The following RABEP1 variants were observed in gnomAD, a reference collection of about 807,000 sequenced individuals.
RABEP1 encodes rab GTPase-binding effector protein 1.
Under a neutral mutation model 123.4 loss-of-function variants are expected in RABEP1, and 51 were observed. The observed-to-expected ratio is 0.41, with a 90% CI of 0.33 to 0.52. The LOEUF is 0.52. Ranked by LOEUF, RABEP1 falls within the 20% of genes least tolerant of loss-of-function variation. RABEP1 has a pLI of 0.16. For missense variants in RABEP1, 888 were observed against 996.3 expected, an observed-to-expected ratio of 0.89 and a Z score of 1.46; for synonymous variants, 347 against 355.2, an observed-to-expected ratio of 0.98 and a Z score of 0.26.
chr17:5,291,212 C>T (rs535123433), intron 1 of RABEP1, among the ~76,000 whole-genome samples: 21 of 152,124 alleles, frequency 1.4e-4, no homozygotes, highest in African/African-American at 4.6e-4. Context: ...ACTTTGAGAC[C>T]AGCCTGGCCA....
chr17:5,336,881 G>C (rs1313535135), intron 4 of RABEP1, among the ~76,000 whole-genome samples: 2 of 151,972 alleles, frequency 1.3e-5, no homozygotes, highest in Non-Finnish European at 2.9e-5. Flanking sequence ...TTTTTTGAGG[G>C]GTATGTTATT....
At chr17:5,337,894 C>T (rs1434164892) in intron 4 of RABEP1, 125 bp from the exon 5 acceptor site, 1 of 1,031,402 alleles carries the variant, frequency 9.7e-7, no homozygotes, top group South Asian at 2.8e-5. Context: ...TTCAGTTTTG[C>T]GAATATTAAT....
intron 2 of RABEP1, among the ~76,000 whole-genome samples, chr17:5,325,434 G>A (rs72634023): frequency 0.11 from 16,335 of 152,140 alleles, 1,778 homozygotes; most frequent in East Asian, 0.48. Flanking sequence ...AGCACTGAAA[G>A]ACAAGTATCA....
At chr17:5,356,805 C>T (rs1037192349) in intron 8 of RABEP1, among the ~76,000 whole-genome samples, 2 of 151,754 alleles carry the variant, frequency 1.3e-5, no homozygotes, top group East Asian at 1.9e-4. Flanking sequence ...CATCCGCCAT[C>T]GTGCCCAGCT....
chr17:5,328,781 T>A (rs1038546988), intron 2 of RABEP1, among the ~76,000 whole-genome samples: 1 of 150,550 alleles, frequency 6.6e-6, no homozygotes, highest in Non-Finnish European at 1.5e-5. Context: ...TGAAACCCTG[T>A]CTCTACTAAA....
chr17:5,284,870 C>T (rs1003895523), intron 1 of RABEP1, among the ~76,000 whole-genome samples: 2 of 151,094 alleles, frequency 1.3e-5, no homozygotes, highest in Non-Finnish European at 2.9e-5. Flanking sequence ...AAAAAATCGC[C>T]AGAATTCTTT....
At chr17:5,318,325 A>G (rs1436733343) in intron 2 of RABEP1, among the ~76,000 whole-genome samples, 2 of 152,182 alleles carry the variant, frequency 1.3e-5, no homozygotes, top group Non-Finnish European at 2.9e-5. Context: ...CAATGGGAGT[A>G]TGCTATCAAA....
chr17:5,341,152 A>G (rs2144623618), intron 5 of RABEP1, among the ~76,000 whole-genome samples: 1 of 152,144 alleles, frequency 6.6e-6, no homozygotes, highest in East Asian at 1.9e-4. Flanking sequence ...GTAGAGGCTC[A>G]TGCCTGTAAT....
Position 5,380,375 on chromosome 17 carries a change from A to G in RABEP1, c.2283A>G (p.Thr761=), listed in dbSNP as rs1242139456. ...IKVEKGQLES[T]LREKSQQLES... Reference sequence around the variant, plus strand: ...TTCCTTTTTCACAGTTGGAGTCCACATTAAGAGAGAAGTCTCAACAGCTTG... The same window carrying G: ...TTCCTTTTTCACAGTTGGAGTCCACGTTAAGAGAGAAGTCTCAACAGCTTG... Residue 761 remains threonine, a synonymous_variant, in exon 16 of 18, where the codon ACA becomes ACG. Transcript: ENST00000537505. 6.4e-7 allele frequency: 1 copy of G among 1,566,506 alleles called. No homozygotes were observed.
intron 10 of RABEP1, among the ~76,000 whole-genome samples, chr17:5,364,084 C>T (rs1296302167): frequency 6.6e-6 from 1 of 152,210 alleles, no homozygotes. Flanking sequence ...TTCCTTCATA[C>T]ACTGTGTGCT....
At chr17:5,283,840 C>T (rs1229730907) in intron 1 of RABEP1, 1 of 152,178 alleles carries the variant, frequency 6.6e-6, no homozygotes, top group Non-Finnish European at 1.5e-5. Flanking sequence ...GTCCAGTAAG[C>T]ATTTAGACTT....
At chr17:5,336,381 T>C in intron 4 of RABEP1, 1 of 435,064 alleles carries the variant, frequency 2.3e-6, no homozygotes, top group Non-Finnish European at 4.5e-6. Flanking sequence ...CATGGTACAT[T>C]TGTCACAGCT....
chr17:5,356,844 T>C (rs1370961085), intron 8 of RABEP1, among the ~76,000 whole-genome samples: 2 of 151,482 alleles, frequency 1.3e-5, no homozygotes, highest in Middle Eastern at 3.4e-3. Context: ...TGTTTCAACA[T>C]GTTGCCCCGG....
intron 13 of RABEP1, among the ~76,000 whole-genome samples, chr17:5,374,217 C>A (rs1910789234): frequency 6.6e-6 from 1 of 151,626 alleles, no homozygotes; most frequent in Non-Finnish European, 1.5e-5. Flanking sequence ...CAAGCGCCTG[C>A]CACCATGCCC....
chr17:5,296,695 C>T (rs1435154787), intron 1 of RABEP1, among the ~76,000 whole-genome samples: 2 of 152,158 alleles, frequency 1.3e-5, no homozygotes, highest in Non-Finnish European at 2.9e-5. Flanking sequence ...TTTCAAGATT[C>T]ATCTTAACTT....
chr17:5,282,376 GGGCGGCGGC>G lies in RABEP1; in HGVS notation c.-101_-93del. The G allele has an allele frequency of 4.5e-6, 4 of 888,010 alleles. No individual in the cohort carries two copies. The highest frequency in any genetic ancestry group is 1.8e-5 in the African/African-American group (1 of 56,780). 55.0% of individuals were successfully genotyped at this position (888,010 alleles called of 1,614,324 possible). A position where few individuals can be genotyped will look rare whatever the true frequency, so the allele number is the denominator to read the frequency against. ...GATCCAGCCTTAGCGGTTTCTCTCTGGGCGGCGGCGGCGGCGGCTCGGTTGACGCCTCCT... is the reference window on the plus strand; with the variant it reads ...GATCCAGCCTTAGCGGTTTCTCTCTGGGCGGCGGCTCGGTTGACGCCTCCT... On this transcript the variant is annotated 5_prime_UTR_variant, in exon 1 of 18. Transcript: ENST00000537505.
At chr17:5,361,900 G>A (rs1388406371) in intron 9 of RABEP1, 1 of 506,436 alleles carries the variant, frequency 2.0e-6, no homozygotes, top group Non-Finnish European at 3.5e-6. Context: ...CAGTGAATGT[G>A]AACCTCCCCA....
intron 1 of RABEP1, among the ~76,000 whole-genome samples, chr17:5,286,161 G>A (rs540877188): frequency 6.6e-6 from 1 of 152,262 alleles, no homozygotes; most frequent in South Asian, 2.1e-4. Flanking sequence ...AGCTCTGGAT[G>A]ATGTCATTTG....
chr17:5,339,401 T>C (rs1037837912), intron 5 of RABEP1, among the ~76,000 whole-genome samples: 1 of 152,220 alleles, frequency 6.6e-6, no homozygotes, highest in Admixed American at 6.5e-5. Context: ...CCCGGCTACT[T>C]GAGAGGCTGA....
Sources: gnomAD v4.1 joint callset for allele counts (sites outside exome capture counted in the v4.1 genomes callset) on GRCh38, gnomAD v4.1.1 for gene constraint, MANE v1.5 for transcripts, NCBI Gene and HGNC (gene_info 2026-07-23, HGNC 2026-07-21) for gene names.